ZNF230: variants seen among roughly 807,000 people sequenced by gnomAD.
ZNF230 encodes zinc finger protein 230, also known as zinc finger protein FDZF2.
Under a neutral mutation model 10.0 loss-of-function variants are expected in ZNF230, and 12 were observed. The observed-to-expected ratio is 1.20, with a 90% CI of 0.77 to 1.95. ZNF230 has a LOEUF of 1.95. Among genes scored for constraint, ZNF230 ranks in the 30% most tolerant of loss-of-function variants. The pLI, the probability that ZNF230 is intolerant of heterozygous loss-of-function variation, is 0.00. For missense variants in ZNF230, 532 were observed against 565.8 expected (o/e 0.94, Z 0.61); for synonymous variants, 174 against 193.6 (o/e 0.90, Z 0.84).
At chr19:44,005,456 TG>T (rs1976114064) in intron 1 of ZNF230, among the ~76,000 whole-genome samples, 1 of 152,206 alleles carries the variant, frequency 6.6e-6, no homozygotes, top group South Asian at 2.1e-4. Context: ...TAAATAATAT[TG>T]TTATCTATTA....
At chr19:44,006,855 T>A (rs1293726108) in intron 1 of ZNF230, 156 bp from the exon 2 acceptor site, 8 of 406,550 alleles carry the variant, frequency 2.0e-5, no homozygotes, top group Non-Finnish European at 3.6e-5. Context: ...GATTTTTCTA[T>A]CCATTTACCC....
In ZNF230 at chr19:44,010,948, A is replaced by G. The variant is rs774032506; in HGVS notation, c.909A>G (p.Thr303=). 1 of 1,614,218 alleles carries G rather than the reference A, an allele frequency of 6.2e-7. No individual in the cohort carries two copies. Among genetic ancestry groups the G allele is most frequent in the East Asian group, 2.2e-5 (1 of 44,880 alleles). ...SSLNRHCMVH[T]AEKLYKSEEC... ...TTAATAGGCATTGCATGGTCCACAC[A>G]GCAGAGAAACTGTACAAATCTGAGG... Residue 303 remains threonine (T), a synonymous_variant, in exon 5 of 5, where the codon ACA becomes ACG. Coordinates refer to ENST00000429154, the MANE Select transcript of ZNF230 (RefSeq NM_006300.4).
In ZNF230 at chr19:44,013,012, T is replaced by C. The variant is rs1976203765; in HGVS notation, c.*1548T>C. The stretch of plus-strand genomic sequence containing the variant: ...TGAAAATGGTTTGTTAACTTGTCAA[T>C]AACAGTCCACTGCATATATCACAAT... On this transcript the variant is annotated 3_prime_UTR_variant, in exon 5 of 5. Transcript: ENST00000429154. The C allele has an allele frequency of 6.5e-6, 1 of 152,696 alleles. No individual in the cohort carries two copies. Among genetic ancestry groups the C allele is most frequent in the Non-Finnish European group, 1.5e-5 (1 of 68,456 alleles). 9.5% of individuals were successfully genotyped at this position (152,696 alleles called of 1,614,324 possible).
chr19:44,010,120 G>T, intron 4 of ZNF230, 149 bp from the exon 5 acceptor site: 1 of 676,152 alleles, frequency 1.5e-6, no homozygotes, highest in Non-Finnish European at 2.4e-6. Context: ...GTTATAAATT[G>T]GTCACATACA....
chr19:44,009,406 A>G (rs2147425537), intron 4 of ZNF230: 2 of 577,504 alleles, frequency 3.5e-6, no homozygotes, highest in Non-Finnish European at 6.2e-6. Context: ...TCCTTGGTCC[A>G]AAAGCCTTTA....
chr19:44,005,164 T>C (rs1976111771), intron 1 of ZNF230, among the ~76,000 whole-genome samples: 1 of 152,178 alleles, frequency 6.6e-6, no homozygotes, highest in Non-Finnish European at 1.5e-5. Context: ...TAAAATATTT[T>C]CATCTTTATA....
chr19:44,012,068 ATTTCCTTT>A lies in ZNF230; in HGVS notation c.*605_*612del. The stretch of plus-strand genomic sequence containing the variant: ...GTGTAGATATCTGATCCACATACTG[ATTTCCTTT>A]GCTTTGGATATACTCAATAGTGGGA... On this transcript the variant is annotated 3_prime_UTR_variant, in exon 5 of 5. Coordinates refer to ENST00000429154, the MANE Select transcript of ZNF230 (RefSeq NM_006300.4). 1 of 190,792 alleles carries A rather than the reference ATTTCCTTT, an allele frequency of 5.2e-6. No individual in the cohort carries two copies. Among genetic ancestry groups the A allele is most frequent in the African/African-American group, 2.4e-5 (1 of 41,188 alleles). The allele number at this position is 190,792 out of a possible 1,614,324, so 11.8% of individuals were successfully genotyped here.
In ZNF230 at chr19:44,010,780, A is replaced by C. The variant is rs769372300; in HGVS notation, c.741A>C (p.Thr247=). The C allele has an allele frequency of 2.5e-6, 4 of 1,614,108 alleles. No individual in the cohort carries two copies. The Admixed American group carries it at 5.0e-5, about 20-fold the overall frequency. ...AILQVHCKLH[T]GEKPYICEKC... ...TTCAAGTTCACTGCAAATTACACAC[A>C]GGAGAGAAACCTTATATTTGTGAGA... is the stretch of plus-strand genomic sequence containing the variant. Residue 247 remains threonine, a synonymous_variant, in exon 5 of 5, where the codon ACA becomes ACC. Coordinates refer to ENST00000429154, the MANE Select transcript of ZNF230 (RefSeq NM_006300.4).
rs555016436 is a variant in ZNF230, at chr19:44,008,770, A to G, written c.16-20A>G. The G allele has an allele frequency of 1.2e-6, 2 of 1,612,432 alleles. No homozygotes were observed. The highest frequency in any genetic ancestry group is 1.3e-5 in the African/African-American group (1 of 74,864). ...AGTCCATGGTCATAGGATTGAGGTT[A>G]TGTATCCTTGATGTTATAGGAGGCA... On this transcript the variant is annotated intron_variant, in intron 2 of 4. Coordinates refer to ENST00000429154, the MANE Select transcript of ZNF230 (RefSeq NM_006300.4).
In ZNF230 at chr19:44,011,705, T is replaced by C. The variant is rs1568498390; in HGVS notation, c.*241T>C. The C allele has an allele frequency of 7.4e-6, 3 of 404,988 alleles. No individual in the cohort carries two copies. In the East Asian group the frequency reaches 1.5e-4, roughly 21 times the overall value. 25.1% of individuals were successfully genotyped at this position (404,988 alleles called of 1,614,324 possible). A position where few individuals can be genotyped will look rare whatever the true frequency, so the allele number is the denominator to read the frequency against. On this transcript the variant is annotated 3_prime_UTR_variant, in exon 5 of 5. Coordinates refer to ENST00000429154, the MANE Select transcript of ZNF230 (RefSeq NM_006300.4). ...CCTATCTAGCAGTACTTATGTATCT[T>C]GTTACCCAATCTTTGGCTATCTCAC...
rs370947854 is a variant in ZNF230 at position 44,010,828 on chromosome 19, C to G, written c.789C>G (p.His263Gln). The G allele has an allele frequency of 1.2e-6, 2 of 1,614,048 alleles. No homozygotes were observed. Among genetic ancestry groups the G allele is most frequent in the Non-Finnish European group, 1.7e-6 (2 of 1,180,022 alleles). ...ICEKCGRAFIHDFQLQKHQII... is the reference protein window; with the variant it reads ...ICEKCGRAFIQDFQLQKHQII... Reference sequence around the variant, plus strand: ...AGAAATGTGGGAGGGCCTTCATTCACGATTTCCAGCTTCAGAAACATCAGA... The same window carrying G: ...AGAAATGTGGGAGGGCCTTCATTCAGGATTTCCAGCTTCAGAAACATCAGA... The change falls in exon 5 of 5, where the codon CAC becomes CAG. Residue 263 changes from histidine (H) to glutamine (Q), a missense_variant. Coordinates refer to ENST00000429154, the MANE Select transcript of ZNF230 (RefSeq NM_006300.4).
At position 44,011,078 on chromosome 19, in the gene ZNF230, T is replaced by G; in HGVS notation, c.1039T>G (p.Trp347Gly). The G allele has an allele frequency of 6.2e-7, 1 of 1,614,132 alleles. No individual in the cohort carries two copies. Among genetic ancestry groups the G allele is most frequent in the Non-Finnish European group, 8.5e-7 (1 of 1,180,014 alleles). ...TAAAGAATGTGGGAAGAGCTTCAGA[T>G]GGTCCTCATATCTTTTGATCCATCA... The part of the protein sequence containing the change: ...NCKECGKSFR[W>G]SSYLLIHQRI... The change falls in exon 5 of 5, where the codon TGG becomes GGG. Residue 347 changes from tryptophan (W) to glycine (G), a missense_variant. Physicochemically the swap from Trp to Gly is radical, Grantham distance 184 (BLOSUM62 -2). Transcript: ENST00000429154.
chr19:44,009,230 CTG>C, intron 4 of ZNF230, 60 bp downstream of exon 4: 1 of 1,553,496 alleles, frequency 6.4e-7, no homozygotes, highest in Non-Finnish European at 8.9e-7. Flanking sequence ...TGTTTTACTT[CTG>C]ACCATGCCCA....
chr19:44,006,349 G>C (rs537719182), intron 1 of ZNF230, among the ~76,000 whole-genome samples: 1 of 152,260 alleles, frequency 6.6e-6, no homozygotes, highest in South Asian at 2.1e-4. Context: ...TTCTACTAAA[G>C]ATGAACTTCT....
chr19:44,009,551 C>T (rs1362296637), intron 4 of ZNF230, among the ~76,000 whole-genome samples: 1 of 152,230 alleles, frequency 6.6e-6, no homozygotes, highest in Non-Finnish European at 1.5e-5. Flanking sequence ...GCCACGTTGT[C>T]CTCCCTGCTG....
intron 2 of ZNF230, among the ~76,000 whole-genome samples, chr19:44,007,343 C>T (rs1438944718): frequency 1.3e-5 from 2 of 152,156 alleles, no homozygotes; most frequent in Non-Finnish European, 2.9e-5. Context: ...CACTTCTTCA[C>T]CTCCTTGCTC....
chr19:44,007,324 C>G (rs763024640), intron 2 of ZNF230, among the ~76,000 whole-genome samples: 1 of 152,142 alleles, frequency 6.6e-6, no homozygotes, highest in African/African-American at 2.4e-5. Context: ...TAGGAATGAA[C>G]AGTGCTCCCA....
rs1469845005 is a variant in ZNF230, at chr19:44,010,668, G to T, written c.629G>T (p.Cys210Phe). 2 of 1,614,204 alleles carry T rather than the reference G, an allele frequency of 1.2e-6. No homozygotes were observed. The highest frequency in any genetic ancestry group is 1.7e-6 in the Non-Finnish European group (2 of 1,180,028). Residue 210 changes from cysteine (C) to phenylalanine (F), a missense_variant, in exon 5 of 5, where the codon TGT (cysteine) becomes TTT (phenylalanine). By Grantham distance (205) the Cys-to-Phe change is radical. Coordinates refer to ENST00000429154, the MANE Select transcript of ZNF230 (RefSeq NM_006300.4). ...MRGKEFSQSS[C>F]LQTRERVHTG... is the part of the protein sequence containing the mutation. ...GGTAAGGAATTCAGTCAGAGCTCAT[G>T]TCTGCAAACTCGTGAGAGAGTCCAC... is the stretch of plus-strand genomic sequence containing the variant.
intron 1 of ZNF230, chr19:44,003,458 G>C (rs1041901687): frequency 1.3e-5 from 2 of 152,226 alleles, no homozygotes; most frequent in African/African-American, 4.8e-5. Context: ...GTGGTCTCTT[G>C]TTAACTTCCC....
Sources: allele counts gnomAD v4.1 joint callset (sites outside exome capture counted in the v4.1 genomes callset), GRCh38; gene constraint gnomAD v4.1.1; transcripts MANE v1.5; gene names NCBI Gene and HGNC (gene_info 2026-07-23, HGNC 2026-07-21).